ADD1: variants seen among roughly 807,000 people sequenced by gnomAD.
ADD1 encodes the protein alpha-adducin.
In ADD1, 24 loss-of-function variants were observed where a neutral mutation model predicts 80.5. That is an observed-to-expected ratio of 0.30 (90% CI 0.22 to 0.42). ADD1 has a LOEUF of 0.42. ADD1 is among the 10% of genes least tolerant of loss of function. The pLI is 1.00. For missense variants in ADD1, 948 were observed against 1,019.0 expected (o/e 0.93, Z 0.95); for synonymous variants, 373 against 393.8 (o/e 0.95, Z 0.63).
chr4:2,907,434 G>T, intron 10 of ADD1: 1 of 243,812 alleles, frequency 4.1e-6, no homozygotes, highest in Non-Finnish European at 8.2e-6. Flanking sequence ...GGCCTCCCCT[G>T]CTGGTCCCAG....
At chr4:2,856,584 GT>G (rs35341139) in intron 1 of ADD1, among the ~76,000 whole-genome samples, 17,856 of 105,714 alleles carry the variant, frequency 0.17, 1,189 homozygotes, top group Non-Finnish European at 0.24. Flanking sequence ...GGTTACTAGA[GT>G]TTTTTTTTTT....
At chr4:2,853,896 G>A (rs968813927) in intron 1 of ADD1, among the ~76,000 whole-genome samples, 12 of 152,144 alleles carry the variant, frequency 7.9e-5, no homozygotes, top group South Asian at 2.1e-4. Flanking sequence ...GAGCGACCGC[G>A]TCTGGCCGTT....
At chr4:2,861,560 C>T (rs1388938443) in intron 1 of ADD1, among the ~76,000 whole-genome samples, 1 of 152,106 alleles carries the variant, frequency 6.6e-6, no homozygotes, top group African/African-American at 2.4e-5. Context: ...AGTTTGGCCT[C>T]AGGGAAGAGT....
chr4:2,882,309 C>T (rs1292216952), intron 3 of ADD1, among the ~76,000 whole-genome samples: 1 of 152,196 alleles, frequency 6.6e-6, no homozygotes, highest in Non-Finnish European at 1.5e-5. Context: ...TTTTATGTGT[C>T]TTCCCAGCCC....
intron 1 of ADD1, among the ~76,000 whole-genome samples, chr4:2,852,839 G>A (rs943457451): frequency 3.3e-5 from 5 of 151,384 alleles, no homozygotes; most frequent in Non-Finnish European, 7.4e-5. Context: ...AGCTGGGCCT[G>A]CAGACCCACC....
At chr4:2,855,076 C>T (rs936237188) in intron 1 of ADD1, 5 of 152,114 alleles carry the variant, frequency 3.3e-5, no homozygotes, top group East Asian at 1.9e-4. Flanking sequence ...TCCCCCACCT[C>T]GATTTTATAA....
chr4:2,881,222 C>T (rs756904334), intron 2 of ADD1, among the ~76,000 whole-genome samples: 8 of 151,706 alleles, frequency 5.3e-5, no homozygotes, highest in Non-Finnish European at 8.8e-5. Context: ...GGATTACAGG[C>T]GCCCACCACC....
At chr4:2,907,084 A>G (rs889299535) in intron 10 of ADD1, 2 of 152,212 alleles carry the variant, frequency 1.3e-5, no homozygotes, top group African/African-American at 2.4e-5. Flanking sequence ...TTAAGGACTC[A>G]TGAAGCGCTT....
At chr4:2,848,513 G>A (rs1201318823) in intron 1 of ADD1, among the ~76,000 whole-genome samples, 5 of 151,972 alleles carry the variant, frequency 3.3e-5, no homozygotes, top group Non-Finnish European at 5.9e-5. Context: ...CTGTCACCTA[G>A]GCGGGAATAT....
intron 14 of ADD1, among the ~76,000 whole-genome samples, chr4:2,918,845 T>C (rs1293324757): frequency 6.6e-6 from 1 of 151,532 alleles, no homozygotes; most frequent in Non-Finnish European, 1.5e-5. Flanking sequence ...TTTTTTGTTA[T>C]TTGGTTTTTT....
chr4:2,853,673 G>A (rs1727653269), intron 1 of ADD1: 1 of 151,490 alleles, frequency 6.6e-6, no homozygotes, highest in South Asian at 2.1e-4. Context: ...GTGCAATCAC[G>A]GCTCACCGCA....
chr4:2,922,219 T>C (rs771474643), intron 14 of ADD1, among the ~76,000 whole-genome samples: 6 of 152,150 alleles, frequency 3.9e-5, no homozygotes, highest in Non-Finnish European at 8.8e-5. Flanking sequence ...AGAGGCATTC[T>C]GGTTTTTGGA....
intron 1 of ADD1, among the ~76,000 whole-genome samples, chr4:2,863,973 T>G (rs1729177527): frequency 6.6e-6 from 1 of 152,214 alleles, no homozygotes; most frequent in African/African-American, 2.4e-5. Context: ...GGAGACCATG[T>G]GGGGCACATT....
intron 1 of ADD1, among the ~76,000 whole-genome samples, chr4:2,854,321 C>T (rs535208225): frequency 6.6e-6 from 1 of 152,238 alleles, no homozygotes; most frequent in Admixed American, 6.5e-5. Context: ...GAGACTCCAT[C>T]TTAAGAAAGC....
At chr4:2,853,894 G>T (rs1020817408) in intron 1 of ADD1, among the ~76,000 whole-genome samples, 1 of 152,166 alleles carries the variant, frequency 6.6e-6, no homozygotes, top group African/African-American at 2.4e-5. Flanking sequence ...GTGAGCGACC[G>T]CGTCTGGCCG....
intron 1 of ADD1, among the ~76,000 whole-genome samples, chr4:2,852,198 C>CGTT (rs1491325452): frequency 1.3e-5 from 1 of 76,586 alleles, no homozygotes; most frequent in Non-Finnish European, 2.6e-5. Context: ...TTCTTTCTTT[C>CGTT]CTTTCTTTCC....
At chr4:2,906,932 G>A (rs551307659) in intron 10 of ADD1, among the ~76,000 whole-genome samples, 17 of 152,162 alleles carry the variant, frequency 1.1e-4, no homozygotes, top group African/African-American at 3.6e-4. Flanking sequence ...TCGAAGATGG[G>A]CTTGTTTTAA....
chr4:2,882,862 T>C (rs1255305565), intron 3 of ADD1, among the ~76,000 whole-genome samples: 3 of 151,252 alleles, frequency 2.0e-5, no homozygotes, highest in African/African-American at 7.4e-5. Flanking sequence ...CCGTTTTTTT[T>C]TGTTGTTGTT....
chr4:2,909,801 G>A (rs1737712681), intron 13 of ADD1, among the ~76,000 whole-genome samples: 2 of 151,800 alleles, frequency 1.3e-5, no homozygotes. Context: ...TGTTGCTGTT[G>A]GCAGCGGCCA....
Sources: allele counts gnomAD v4.1 joint callset (sites outside exome capture counted in the v4.1 genomes callset), GRCh38; gene constraint gnomAD v4.1.1; transcripts MANE v1.5; gene names NCBI Gene and HGNC (gene_info 2026-07-23, HGNC 2026-07-21).